The following BRF1 variants were observed in gnomAD, a reference collection of about 807,000 sequenced individuals.
BRF1 encodes BRF1 general transcription factor IIIB subunit, also known as transcription factor IIIB 90 kDa subunit.
A neutral mutation model predicts 81.7 loss-of-function variants in BRF1; 59 were observed. The ratio of observed to expected loss-of-function variants is 0.72; its 90% CI spans 0.59 to 0.90. The LOEUF (loss-of-function observed/expected upper bound fraction) is 0.90, where lower values mean the gene tolerates loss of function less well. BRF1 is among the 40% of genes least tolerant of loss of function. BRF1 has a pLI of 0.00. For missense variants in BRF1, 1,050 were observed against 936.3 expected (o/e 1.12, Z -1.58); for synonymous variants, 491 against 395.6 (o/e 1.24, Z -2.86).
chr14:105,292,214 G>A (rs1377447615), intron 1 of BRF1, among the ~76,000 whole-genome samples: 1 of 151,688 alleles, frequency 6.6e-6, no homozygotes, highest in Non-Finnish European at 1.5e-5. Flanking sequence ...ACAGAGTTTC[G>A]CTCCTGTCGC....
intron 3 of BRF1, among the ~76,000 whole-genome samples, chr14:105,272,122 G>A (rs1166814437): frequency 1.2e-4 from 14 of 117,462 alleles, no homozygotes; most frequent in African/African-American, 4.1e-4. Context: ...GCTGAGGGTC[G>A]GGGGCCTCCT....
chr14:105,226,101 G>A lies in BRF1; in HGVS notation c.1016C>T (p.Ala339Val). 6.2e-7 allele frequency: 1 copy of A among 1,613,918 alleles called. No homozygotes were observed. The highest frequency in any genetic ancestry group is 8.5e-7 in the Non-Finnish European group (1 of 1,180,024). ...EIELENSRPKAKGGLASLAKD... is the reference protein window; with the variant it reads ...EIELENSRPKVKGGLASLAKD... Reference sequence around the variant, plus strand: ...TGCCAGGCTGGCCAGGCCCCCCTTGGCCTTTGGCCGGCTGTTTTCTAGTTC... The same window carrying A: ...TGCCAGGCTGGCCAGGCCCCCCTTGACCTTTGGCCGGCTGTTTTCTAGTTC... Residue 339 changes from alanine to valine, a missense_variant, in exon 10 of 18, where the codon GCC becomes GTC. By Grantham distance (64) the Ala-to-Val change is moderately conservative (BLOSUM62 0). Transcript: ENST00000547530.
rs587776290 is a variant in BRF1, at chr14:105,271,884, A to G, written c.439+837T>C. 0.17 allele frequency among the ~76,000 whole-genome samples: 20,488 copies of G among 118,196 alleles called. 2,269 individuals carry two copies. Among genetic ancestry groups the G allele is most frequent in the Non-Finnish European group, 0.23 (12,873 of 54,950 alleles). The allele number at this position is 118,196 out of a possible 152,430, so 77.5% of individuals were successfully genotyped here. A position where few individuals can be genotyped will look rare whatever the true frequency, so the allele number is the denominator to read the frequency against. ...AGTCACGGTGTCCACGCACAAGGCC[A>G]AGCTGCACACCGCTGAGGGTCGGCG... On this transcript the variant is annotated intron_variant, in intron 3 of 17. Coordinates refer to ENST00000547530, the MANE Select transcript of BRF1 (RefSeq NM_001519.4). This position sits in a 1 kb window ranked among gnomAD's most constrained non-coding sequence, Gnocchi z 5.5.
chr14:105,246,097 C>T (rs1433662084), intron 5 of BRF1, among the ~76,000 whole-genome samples: 2 of 152,136 alleles, frequency 1.3e-5, no homozygotes, highest in Non-Finnish European at 2.9e-5. Context: ...GCAAACTGCA[C>T]TTTTGTAATC....
chr14:105,223,695 G>A (rs1892657239), intron 10 of BRF1, among the ~76,000 whole-genome samples: 1 of 152,196 alleles, frequency 6.6e-6, no homozygotes, highest in Admixed American at 6.5e-5. Context: ...ACAGATCTGT[G>A]GGTCTTCTTG....
At chr14:105,281,216 A>G (rs1259325800) in intron 2 of BRF1, among the ~76,000 whole-genome samples, 12 of 132,106 alleles carry the variant, frequency 9.1e-5, no homozygotes, top group African/African-American at 3.6e-4. Flanking sequence ...GTGTGTGGAT[A>G]CAGCCTGCGT....
At chr14:105,286,448 C>T in intron 1 of BRF1, 72 bp from the exon 2 acceptor site, 1 of 1,474,888 alleles carries the variant, frequency 6.8e-7, no homozygotes, top group African/African-American at 1.4e-5. Context: ...CTAACATCCA[C>T]AGACACAAAG....
chr14:105,274,748 C>G (rs1254417195), intron 2 of BRF1, among the ~76,000 whole-genome samples: 1 of 152,094 alleles, frequency 6.6e-6, no homozygotes, highest in East Asian at 1.9e-4. Flanking sequence ...TGGGGAGCAC[C>G]TGGGCCAACC....
At chr14:105,249,978 G>A (rs1202963160) in intron 5 of BRF1, 1 of 1,612,560 alleles carries the variant, frequency 6.2e-7, no homozygotes. Context: ...GTCCTGAACT[G>A]GGCCGAGGCG....
rs57944808 is a variant in BRF1 at position 105,247,440 on chromosome 14, G to A, written c.544+5067C>T. On this transcript the variant is annotated intron_variant, in intron 5 of 17. Coordinates refer to ENST00000547530, the MANE Select transcript of BRF1 (RefSeq NM_001519.4). ...TGCATGGTGTCTGTTCACGTCCTTT[G>A]CCCGTTTTTTAAAAAACTGGGTTGT... 77 of 985,408 alleles carry A rather than the reference G, an allele frequency of 7.8e-5. 1 individual carries two copies. The East Asian group carries it at 3.5e-3, about 45-fold the overall frequency. The allele number at this position is 985,408 out of a possible 1,614,324, so 61.0% of individuals were successfully genotyped here. A position where few individuals can be genotyped will look rare whatever the true frequency, so the allele number is the denominator to read the frequency against.
chr14:105,285,827 C>T (rs587636307), intron 2 of BRF1, among the ~76,000 whole-genome samples: 4 of 151,916 alleles, frequency 2.6e-5, no homozygotes, highest in African/African-American at 7.2e-5. Flanking sequence ...ATCCGATAAA[C>T]GACTTGCACC....
chr14:105,211,143 G>A lies in BRF1; in HGVS notation c.1975C>T (p.Leu659=), dbSNP rs775706663. The part of the protein sequence containing the change: ...EEDGEPCVSA[L]QMMGSNDYGC... ...CCACCGTTGCTGCCCATCATCTGCAGGGCACTGACGCAGGGCTCCCCGTCC... is the reference window on the plus strand; with the variant it reads ...CCACCGTTGCTGCCCATCATCTGCAAGGCACTGACGCAGGGCTCCCCGTCC... Residue 659 remains leucine (L), a synonymous_variant, in exon 17 of 18, where the codon CTG becomes TTG. Coordinates refer to ENST00000547530, the MANE Select transcript of BRF1 (RefSeq NM_001519.4). The A allele has an allele frequency of 6.2e-7, 1 of 1,612,596 alleles. No individual in the cohort carries two copies. The highest frequency in any genetic ancestry group is 2.2e-5 in the East Asian group (1 of 44,852).
rs1489063054 is a variant in BRF1 at position 105,271,864 on chromosome 14, C to T, written c.439+857G>A. Among the ~76,000 whole-genome samples the T allele has an allele frequency of 1.2e-4, 18 of 147,170 alleles. No homozygotes were observed. The highest frequency in any genetic ancestry group is 4.1e-4 in the African/African-American group (16 of 39,202). On this transcript the variant is annotated intron_variant, in intron 3 of 17. Transcript: ENST00000547530. This position sits in a 1 kb window ranked among gnomAD's most constrained non-coding sequence, Gnocchi z 5.5. ...CCTCCCCGCCCACCGCCTGCAGTCA[C>T]GGTGTCCACGCACAAGGCCAAGCTG... is the stretch of plus-strand genomic sequence containing the variant.
rs78444817 is a variant in BRF1 at position 105,293,516 on chromosome 14, C to T, written c.184+6930G>A. On this transcript the variant is annotated intron_variant, in intron 1 of 17. Coordinates refer to ENST00000547530, the MANE Select transcript of BRF1 (RefSeq NM_001519.4). ...GAGCCCAGGATGTCTGGTGTGTGGGCGCCATCACCATCACCTGCTGGCAGA... is the reference window on the plus strand; with the variant it reads ...GAGCCCAGGATGTCTGGTGTGTGGGTGCCATCACCATCACCTGCTGGCAGA... Among the ~76,000 whole-genome samples the T allele has an allele frequency of 6.0e-4, 91 of 152,322 alleles. No homozygotes were observed. The East Asian group carries it at 0.014, about 24-fold the overall frequency.
At chr14:105,315,493 C>T (rs995882504), upstream of BRF1, 3 of 152,402 alleles carry the variant, frequency 2.0e-5, no homozygotes, top group African/African-American at 4.8e-5. This position sits in a 1 kb window ranked among gnomAD's most constrained non-coding sequence, Gnocchi z 4.4. Context: ...TCGGTTGTAT[C>T]CTCCGTCCAG....
At chr14:105,258,344 C>G (rs980645003) in intron 3 of BRF1, among the ~76,000 whole-genome samples, 3 of 151,064 alleles carry the variant, frequency 2.0e-5, no homozygotes, top group Admixed American at 2.0e-4. Context: ...AAAAAATTAG[C>G]CGGGCGTGTT....
chr14:105,216,350 C>A (rs1302383632), intron 15 of BRF1, among the ~76,000 whole-genome samples: 2 of 152,180 alleles, frequency 1.3e-5, no homozygotes, highest in African/African-American at 4.8e-5. Context: ...TCAGATCGGA[C>A]CTGGGAGTGC....
intron 1 of BRF1, among the ~76,000 whole-genome samples, chr14:105,287,380 G>C (rs1420166675): frequency 6.6e-6 from 1 of 152,190 alleles, no homozygotes; most frequent in Non-Finnish European, 1.5e-5. Context: ...TGAGGCCCCA[G>C]GCATGCCCAA....
rs771678585 is a variant in BRF1, at chr14:105,250,417, C to G, written c.544+2090G>C. 4 of 1,613,938 alleles carry G rather than the reference C, an allele frequency of 2.5e-6. No homozygotes were observed. The South Asian group carries it at 3.3e-5, about 13-fold the overall frequency. ...GGCTCGGGGTGGTTCTGGCTCAGAA[C>G]TTGACCAAGTTCATGTCAGACGGAT... On this transcript the variant is annotated intron_variant, in intron 5 of 17. Coordinates refer to ENST00000547530, the MANE Select transcript of BRF1 (RefSeq NM_001519.4).
Sources: gnomAD v4.1 joint callset for allele counts (sites outside exome capture counted in the v4.1 genomes callset) on GRCh38, gnomAD v4.1.1 for gene constraint, Gnocchi (gnomAD v3.1) non-coding constraint, MANE v1.5 for transcripts, NCBI Gene and HGNC (gene_info 2026-07-23, HGNC 2026-07-21) for gene names.